SLC17A4: variants seen among roughly 807,000 people sequenced by gnomAD.
SLC17A4 encodes probable small intestine urate exporter.
In SLC17A4, 33 loss-of-function variants were observed where a neutral mutation model predicts 52.5. That is an observed-to-expected ratio of 0.63 (90% CI 0.48 to 0.84). The LOEUF is 0.84. SLC17A4 is among the 40% of genes least tolerant of loss of function. The pLI is 0.00. For missense variants in SLC17A4, 585 were observed against 597.1 expected (o/e 0.98, Z 0.21); for synonymous variants, 225 against 216.2 (o/e 1.04, Z -0.36).
chr6:25,776,769 A>G, intron 9 of SLC17A4, 42 bp downstream of exon 9: 1 of 1,613,986 alleles, frequency 6.2e-7, no homozygotes, highest in African/African-American at 1.3e-5. Flanking sequence ...TGGGAAGCTC[A>G]GAGCAGCCTT....
chr6:25,770,430 C>T lies in SLC17A4; in HGVS notation c.578C>T (p.Pro193Leu), dbSNP rs1561806636. 1.9e-6 allele frequency: 3 copies of T among 1,614,058 alleles called. No homozygotes were observed. Among genetic ancestry groups the T allele is most frequent in the East Asian group, 2.2e-5 (1 of 44,876 alleles). Residue 193 changes from proline (P) to leucine (L), a missense_variant, in exon 5 of 12, where the codon CCC becomes CTC. Physicochemically the swap from Pro to Leu is moderately conservative, Grantham distance 98. Transcript: ENST00000377905. The stretch of plus-strand genomic sequence containing the variant: ...TATTCAATTTGGGTCAAATGGGCTC[C>T]CCCACTGGAAAGGAGTCAACTCACC... ...GQYSIWVKWA[P>L]PLERSQLTTI...
intron 1 of SLC17A4, among the ~76,000 whole-genome samples, chr6:25,759,822 T>A (rs920547974): frequency 1.9e-4 from 29 of 152,244 alleles, no homozygotes; most frequent in African/African-American, 6.5e-4. Flanking sequence ...ACCTGTCTTT[T>A]AAATCTTTAT....
intron 6 of SLC17A4, among the ~76,000 whole-genome samples, chr6:25,771,672 T>C (rs4712971): frequency 0.26 from 39,550 of 152,152 alleles, 6,382 homozygotes; most frequent in East Asian, 0.68. Context: ...GTTATTATTA[T>C]GGCAAAAACC....
chr6:25,779,488 G>T lies in SLC17A4; in HGVS notation c.*300G>T, dbSNP rs1763198595. The T allele has an allele frequency of 7.6e-6, 2 of 262,590 alleles. No individual in the cohort carries two copies. The highest frequency in any genetic ancestry group is 4.4e-5 in the African/African-American group (2 of 45,350). 16.3% of individuals were successfully genotyped at this position (262,590 alleles called of 1,614,324 possible). A position where few individuals can be genotyped will look rare whatever the true frequency, so the allele number is the denominator to read the frequency against. On this transcript the variant is annotated 3_prime_UTR_variant, in exon 12 of 12. Transcript: ENST00000377905. Reference sequence around the variant, plus strand: ...CTTTCCAAAGCAAAAGAGGAAGCCAGACCTTGGGACCGAGAACTGAGAATC... The same window carrying T: ...CTTTCCAAAGCAAAAGAGGAAGCCATACCTTGGGACCGAGAACTGAGAATC...
At chr6:25,759,252 A>G (rs1280623190) in intron 1 of SLC17A4, among the ~76,000 whole-genome samples, 1 of 152,144 alleles carries the variant, frequency 6.6e-6, no homozygotes, top group Non-Finnish European at 1.5e-5. Context: ...CCATGTGCTG[A>G]TGAATAGAAT....
chr6:25,767,389 A>G (rs1469667533), intron 2 of SLC17A4, among the ~76,000 whole-genome samples: 1 of 152,180 alleles, frequency 6.6e-6, no homozygotes, highest in Non-Finnish European at 1.5e-5. Flanking sequence ...ATAAACTTAC[A>G]TAAACTTATT....
chr6:25,757,672 T>C (rs1761141564), intron 1 of SLC17A4, among the ~76,000 whole-genome samples: 2 of 152,128 alleles, frequency 1.3e-5, no homozygotes, highest in African/African-American at 4.8e-5. Context: ...GCTTCTGATC[T>C]TTCCAGGGCT....
intron 8 of SLC17A4, among the ~76,000 whole-genome samples, chr6:25,775,633 G>A (rs1762847209): frequency 6.6e-6 from 1 of 151,796 alleles, no homozygotes; most frequent in Non-Finnish European, 1.5e-5. Flanking sequence ...TTGTTATATT[G>A]GCTAGGCTGG....
At chr6:25,762,556 G>T (rs1582663504) in intron 2 of SLC17A4, among the ~76,000 whole-genome samples, 1 of 152,102 alleles carries the variant, frequency 6.6e-6, no homozygotes. Context: ...TACCCTAAAT[G>T]CTTAATGAGT....
chr6:25,767,796 C>T (rs958782253), intron 2 of SLC17A4, among the ~76,000 whole-genome samples: 4 of 152,100 alleles, frequency 2.6e-5, no homozygotes, highest in African/African-American at 7.2e-5. Flanking sequence ...GAATGAAATA[C>T]GTGTTGCAAA....
At chr6:25,763,862 G>A (rs1761766706) in intron 2 of SLC17A4, among the ~76,000 whole-genome samples, 1 of 152,170 alleles carries the variant, frequency 6.6e-6, no homozygotes, top group African/African-American at 2.4e-5. Flanking sequence ...AAGTCCATGA[G>A]CTTCTTTCTG....
In SLC17A4 at chr6:25,770,218, T is replaced by A. The variant is rs745738447; in HGVS notation, c.449T>A (p.Phe150Tyr). Reference sequence around the variant, plus strand: ...GGTGCTGGCTTGTTTATTTCCTCATTCCTGACCCTCTTCATTCCACTGGCA... The same window carrying A: ...GGTGCTGGCTTGTTTATTTCCTCATACCTGACCCTCTTCATTCCACTGGCA... ...VVGAGLFISS[F>Y]LTLFIPLAAN... The change falls in exon 4 of 12, where the codon TTC (phenylalanine) becomes TAC (tyrosine). Residue 150 changes from phenylalanine (F) to tyrosine (Y), a missense_variant. By Grantham distance (22) the Phe-to-Tyr change is conservative (BLOSUM62 3). Transcript: ENST00000377905. The A allele has an allele frequency of 6.2e-7, 1 of 1,613,990 alleles. No homozygotes were observed. The highest frequency in any genetic ancestry group is 8.5e-7 in the Non-Finnish European group (1 of 1,179,998).
Position 25,776,640 on chromosome 6 carries a change from A to T in SLC17A4, c.1033A>T (p.Ile345Phe). Residue 345 changes from isoleucine (I) to phenylalanine (F), a missense_variant, in exon 9 of 12, where the codon ATT (isoleucine) becomes TTT (phenylalanine). By Grantham distance (21) the Ile-to-Phe change is conservative. Transcript: ENST00000377905. ...ALPFVVGCIC[I>F]ILGGLLADFL... is the part of the protein sequence containing the mutation. Reference sequence around the variant, plus strand: ...GCCGTTTGTTGTTGGATGTATCTGCATTATCCTTGGAGGTCTACTGGCAGA... The same window carrying T: ...GCCGTTTGTTGTTGGATGTATCTGCTTTATCCTTGGAGGTCTACTGGCAGA... 6.2e-7 allele frequency: 1 copy of T among 1,613,658 alleles called. No individual in the cohort carries two copies. The highest frequency in any genetic ancestry group is 1.3e-5 in the African/African-American group (1 of 75,002).
At chr6:25,778,801 A>G (rs1024348633) in intron 11 of SLC17A4, among the ~76,000 whole-genome samples, 1 of 152,230 alleles carries the variant, frequency 6.6e-6, no homozygotes, top group African/African-American at 2.4e-5. Flanking sequence ...AGAACACTTA[A>G]GCAAGGACTG....
At position 25,770,168 on chromosome 6, in the gene SLC17A4, AAT is replaced by A. The variant is rs1239641928; in HGVS notation, c.402_403del (p.Phe135TrpfsTer25). On this transcript the variant is annotated frameshift_variant, in exon 4 of 12. Transcript: ENST00000377905. LOFTEE classifies it high-confidence loss of function. ...APIPSGYVAG[I>X]FGAKYVVGAG... ...CAATCCCCAGTGGCTATGTGGCTGGAATATTTGGAGCCAAGTATGTGGTTGGT... is the reference window on the plus strand; with the variant it reads ...CAATCCCCAGTGGCTATGTGGCTGGAATTTGGAGCCAAGTATGTGGTTGGT... 6.8e-6 allele frequency: 11 copies of A among 1,613,878 alleles called. No homozygotes were observed. The East Asian group carries it at 2.2e-4, about 33-fold the overall frequency.
In SLC17A4 at chr6:25,757,023, C is replaced by A. The variant is rs141690676; in HGVS notation, c.-37+2242C>A. On this transcript the variant is annotated intron_variant, in intron 1 of 11. Coordinates refer to ENST00000377905, the MANE Select transcript of SLC17A4 (RefSeq NM_005495.3). The stretch of plus-strand genomic sequence containing the variant: ...TCAGTCCCCTCATTTTACCAAGTTT[C>A]TTTTCAGAATTACCAGAACCATTCC... Among the ~76,000 whole-genome samples, 391 of 152,262 alleles carry A rather than the reference C, an allele frequency of 2.6e-3. 2 individuals carry two copies. The highest frequency in any genetic ancestry group is 8.7e-3 in the African/African-American group (362 of 41,546).
At chr6:25,777,857 C>A in intron 10 of SLC17A4, 69 bp from the exon 11 acceptor site, 1 of 1,311,012 alleles carries the variant, frequency 7.6e-7, no homozygotes, top group African/African-American at 1.4e-5. Flanking sequence ...TTGCCTCCCT[C>A]TCCCGGGTAT....
intron 6 of SLC17A4, among the ~76,000 whole-genome samples, chr6:25,772,338 C>T (rs963780870): frequency 1.3e-5 from 2 of 152,132 alleles, no homozygotes; most frequent in Non-Finnish European, 2.9e-5. Flanking sequence ...TCTATCCCTC[C>T]GCACTTGATT....
chr6:25,764,032 C>T (rs1561799290), intron 2 of SLC17A4, among the ~76,000 whole-genome samples: 1 of 152,152 alleles, frequency 6.6e-6, no homozygotes, highest in Non-Finnish European at 1.5e-5. Flanking sequence ...ATGACACTGC[C>T]AATGATCCCA....
Sources: gnomAD v4.1 joint callset for allele counts (sites outside exome capture counted in the v4.1 genomes callset) on GRCh38, gnomAD v4.1.1 for gene constraint, MANE v1.5 for transcripts, NCBI Gene and HGNC (gene_info 2026-07-23, HGNC 2026-07-21) for gene names.